WWOX: variants seen among roughly 807,000 people sequenced by gnomAD.
WWOX encodes WW domain-containing oxidoreductase.
A neutral mutation model predicts 46.2 loss-of-function variants in WWOX; 69 were observed. That is an observed-to-expected ratio of 1.49 (90% CI 1.23 to 1.82). The LOEUF is 1.82. Ranked by LOEUF, WWOX falls within the 40% of genes most tolerant of loss-of-function variation. The pLI is 0.00. For synonymous variants in WWOX, 359 were observed against 202.6 expected (o/e 1.77, Z -6.56); for missense variants, 919 against 542.6 (o/e 1.69, Z -6.89).
intron 8 of WWOX, among the ~76,000 whole-genome samples, chr16:78,648,796 C>G (rs752402359): frequency 6.6e-6 from 1 of 152,164 alleles, no homozygotes; most frequent in East Asian, 1.9e-4. Flanking sequence ...CTGCCAAACA[C>G]AACTGATGGT....
At chr16:79,164,840 G>A (rs1032496287) in intron 8 of WWOX, among the ~76,000 whole-genome samples, 15 of 152,098 alleles carry the variant, frequency 9.9e-5, no homozygotes, top group Non-Finnish European at 1.5e-5. Context: ...CACCAGCCCT[G>A]AAATCGGAGA....
rs77114484 is a variant in WWOX, at chr16:78,619,548, A to C, written c.1056+186796A>C. 9.2e-3 allele frequency among the ~76,000 whole-genome samples: 1,389 copies of C among 151,780 alleles called. 30 individuals carry two copies. The highest frequency in any genetic ancestry group is 0.032 in the African/African-American group (1,330 of 41,350). On this transcript the variant is annotated intron_variant, in intron 8 of 8. Coordinates refer to ENST00000566780, the MANE Select transcript of WWOX (RefSeq NM_016373.4). Reference sequence around the variant, plus strand: ...AGCTCCTGCTGTGATGCCACTTCTAATCTCAATTTTATTATACAATTTGTT... The same window carrying C: ...AGCTCCTGCTGTGATGCCACTTCTACTCTCAATTTTATTATACAATTTGTT...
intron 6 of WWOX, among the ~76,000 whole-genome samples, chr16:78,393,094 A>G (rs1342326406): frequency 4.6e-5 from 7 of 152,182 alleles, no homozygotes; most frequent in Admixed American, 2.6e-4. Context: ...TTTAAACTGC[A>G]TTCCTGGAGA....
chr16:78,283,962 T>C (rs999021991), intron 5 of WWOX, among the ~76,000 whole-genome samples: 1 of 152,354 alleles, frequency 6.6e-6, no homozygotes, highest in Non-Finnish European at 1.5e-5. Flanking sequence ...AAGGGTACAG[T>C]AACCCATTAA....
intron 4 of WWOX, chr16:78,123,475 TGAGATGAAG>T (rs2033221040): frequency 1.6e-5 from 2 of 123,342 alleles, no homozygotes; most frequent in Admixed American, 9.2e-5. Flanking sequence ...TTTGTTTTTT[TGAGATGAAG>T]TCTTCCTCTG....
intron 5 of WWOX, among the ~76,000 whole-genome samples, chr16:78,327,906 T>G: frequency 6.8e-6 from 1 of 146,374 alleles, no homozygotes; most frequent in South Asian, 2.3e-4. Flanking sequence ...TGAGATGATC[T>G]TCTTCTGTTG....
chr16:78,666,133 A>G (rs1196854675), intron 8 of WWOX, among the ~76,000 whole-genome samples: 2 of 152,040 alleles, frequency 1.3e-5, no homozygotes, highest in African/African-American at 4.8e-5. Flanking sequence ...AAAAATTTAA[A>G]AAAATTAGCC....
intron 8 of WWOX, among the ~76,000 whole-genome samples, chr16:79,181,709 C>G (rs1311440486): frequency 6.6e-6 from 1 of 152,014 alleles, no homozygotes; most frequent in East Asian, 1.9e-4. Flanking sequence ...GGCTCTTTTT[C>G]CTTCTTTTGA....
chr16:78,376,730 C>T (rs937750198), intron 5 of WWOX, among the ~76,000 whole-genome samples: 6 of 152,166 alleles, frequency 3.9e-5, no homozygotes, highest in Non-Finnish European at 8.8e-5. Flanking sequence ...GCAGAAATGT[C>T]TGTAGACATT....
intron 5 of WWOX, among the ~76,000 whole-genome samples, chr16:78,351,032 A>G (rs1370175108): frequency 6.6e-6 from 1 of 152,020 alleles, no homozygotes; most frequent in East Asian, 1.9e-4. Flanking sequence ...TTTGATTTGG[A>G]TTTTCTTGAT....
intron 8 of WWOX, among the ~76,000 whole-genome samples, chr16:78,822,836 A>G (rs115294633): frequency 1.3e-3 from 204 of 152,252 alleles, no homozygotes; most frequent in African/African-American, 4.4e-3. Context: ...GGTAATTCCT[A>G]AAGAAGAGTC....
At chr16:78,364,954 C>T (rs72794089) in intron 5 of WWOX, among the ~76,000 whole-genome samples, 4,727 of 152,214 alleles carry the variant, frequency 0.031, 95 homozygotes, top group Middle Eastern at 0.088. Flanking sequence ...TGGTCCCCAA[C>T]CTTTCTTCTG....
At chr16:78,355,241 TG>T (rs2081260591) in intron 5 of WWOX, among the ~76,000 whole-genome samples, 1 of 126,494 alleles carries the variant, frequency 7.9e-6, no homozygotes, top group African/African-American at 3.1e-5. Context: ...TGCTCCTGTG[TG>T]TGTGTGTGTC....
intron 6 of WWOX, among the ~76,000 whole-genome samples, chr16:78,414,363 G>C (rs970023232): frequency 5.9e-5 from 9 of 152,172 alleles, no homozygotes; most frequent in African/African-American, 2.2e-4. Flanking sequence ...GAGGTCAGGA[G>C]TTCAAGACCA....
intron 8 of WWOX, among the ~76,000 whole-genome samples, chr16:78,708,918 A>C (rs958937192): frequency 1.3e-5 from 2 of 152,220 alleles, no homozygotes; most frequent in African/African-American, 4.8e-5. Flanking sequence ...GTAAGTCAGA[A>C]AAATAAAAAG....
intron 8 of WWOX, among the ~76,000 whole-genome samples, chr16:78,617,102 T>C (rs1466824392): frequency 6.6e-6 from 1 of 152,056 alleles, no homozygotes; most frequent in Non-Finnish European, 1.5e-5. Flanking sequence ...CCACATCAAC[T>C]GGTCAGTTTA....
At chr16:78,817,921 ACT>A (rs2051383038) in intron 8 of WWOX, among the ~76,000 whole-genome samples, 1 of 151,952 alleles carries the variant, frequency 6.6e-6, no homozygotes, top group South Asian at 2.1e-4. Flanking sequence ...CAGGAAGGAG[ACT>A]CTGAGTGCAA....
intron 8 of WWOX, among the ~76,000 whole-genome samples, chr16:78,518,447 C>T (rs1056711640): frequency 2.0e-5 from 3 of 152,102 alleles, no homozygotes; most frequent in Non-Finnish European, 2.9e-5. Flanking sequence ...TCGTGAACTC[C>T]TGACCTCAAG....
At chr16:78,374,351 C>T (rs1295110835) in intron 5 of WWOX, among the ~76,000 whole-genome samples, 2 of 151,992 alleles carry the variant, frequency 1.3e-5, no homozygotes, top group Non-Finnish European at 2.9e-5. Flanking sequence ...CAGTGAAATC[C>T]TTCCCCCCAT....
Sources: allele counts gnomAD v4.1 joint callset (sites outside exome capture counted in the v4.1 genomes callset), GRCh38; gene constraint gnomAD v4.1.1; transcripts MANE v1.5; gene names NCBI Gene and HGNC (gene_info 2026-07-23, HGNC 2026-07-21).